The following POP4 variants were observed in gnomAD, a reference collection of about 807,000 sequenced individuals.
POP4 encodes POP4 ribonuclease P/MRP subunit, also known as ribonuclease P protein subunit p29.
A neutral mutation model predicts 29.9 loss-of-function variants in POP4; 31 were observed. That is an observed-to-expected ratio of 1.04 (90% confidence interval 0.78 to 1.40). The LOEUF (loss-of-function observed/expected upper bound fraction) is 1.40. Ranked by LOEUF, POP4 falls within the 40% of genes most tolerant of loss-of-function variation. The pLI, the probability that POP4 is intolerant of heterozygous loss-of-function variation, is 0.00. For synonymous variants in POP4, 110 were observed against 108.2 expected (o/e 1.02, Z -0.10); for missense variants, 286 against 282.7 (o/e 1.01, Z -0.08).
rs760767957 is a variant in POP4, at chr19:29,610,401, G to C, written c.61-8G>C. On this transcript the variant is annotated splice_region_variant and splice_polypyrimidine_tract_variant and intron_variant, in intron 2 of 6. Transcript: ENST00000585603. ...CAGTGAGCGCCGCACCCCCTTGTCC[G>C]CCTGCAGCCTTCAGGAGCACAGCGG... The C allele has an allele frequency of 6.5e-7, 1 of 1,548,310 alleles. No homozygotes were observed. The highest frequency in any genetic ancestry group is 1.4e-5 in the African/African-American group (1 of 73,466).
Position 29,615,408 on chromosome 19 carries a change from A to G in POP4, c.*28A>G, listed in dbSNP as rs938880779. On this transcript the variant is annotated 3_prime_UTR_variant, in exon 7 of 7. Coordinates refer to ENST00000585603, the MANE Select transcript of POP4 (RefSeq NM_006627.3). The stretch of plus-strand genomic sequence containing the variant: ...TCTTTGCCGTCTAAGGCAGTTGTTT[A>G]TGACAGCTGAAAACTGGACACTCCC... The G allele has an allele frequency of 6.2e-7, 1 of 1,605,372 alleles. No homozygotes were observed.
intron 6 of POP4, 54 bp downstream of exon 6, chr19:29,614,026 C>G: frequency 6.4e-7 from 1 of 1,572,872 alleles, no homozygotes; most frequent in East Asian, 2.2e-5. Context: ...CCAGCTACTG[C>G]GTTAGCCTTT....
intron 2 of POP4, among the ~76,000 whole-genome samples, chr19:29,609,572 G>A (rs1363821871): frequency 2.0e-5 from 3 of 152,130 alleles, no homozygotes; most frequent in Non-Finnish European, 2.9e-5. Context: ...GCCACCAAAT[G>A]AGGAATCCGT....
intron 1 of POP4, chr19:29,606,593 C>T (rs1387586390): frequency 5.1e-6 from 2 of 390,200 alleles, no homozygotes; most frequent in East Asian, 4.0e-5. Flanking sequence ...GGGTTCCAGG[C>T]CTTGGCTCAA....
chr19:29,608,767 A>G, intron 2 of POP4, 58 bp downstream of exon 2: 1 of 1,490,794 alleles, frequency 6.7e-7, no homozygotes, highest in South Asian at 1.1e-5. Flanking sequence ...ATGGCTCAGT[A>G]GCTTCTGAGC....
intron 3 of POP4, 118 bp downstream of exon 3, chr19:29,610,750 C>T: frequency 2.0e-6 from 2 of 1,016,544 alleles, no homozygotes; most frequent in South Asian, 1.6e-5. Context: ...GCCTCTCTGT[C>T]GTCTGCCACA....
intron 3 of POP4, 116 bp downstream of exon 3, chr19:29,610,748 G>T: frequency 4.8e-6 from 5 of 1,033,326 alleles, no homozygotes; most frequent in Non-Finnish European, 7.0e-6. Flanking sequence ...GGGCCTCTCT[G>T]TCGTCTGCCA....
chr19:29,611,724 T>C (rs1173886962), intron 3 of POP4, 138 bp from the exon 4 acceptor site: 8 of 697,040 alleles, frequency 1.1e-5, no homozygotes, highest in African/African-American at 8.9e-5. Context: ...GCTCAATTGC[T>C]CATCGTCGGA....
intron 2 of POP4, chr19:29,610,117 T>C: frequency 2.4e-6 from 1 of 423,174 alleles, no homozygotes. Flanking sequence ...GATAGAAAGG[T>C]TTTGGTCCTT....
At position 29,616,186 on chromosome 19, in the gene POP4, C is replaced by T. The variant is rs1445131202; in HGVS notation, c.*806C>T. 1 of 152,250 alleles carries T rather than the reference C, an allele frequency of 6.6e-6. No individual in the cohort carries two copies. Among genetic ancestry groups the T allele is most frequent in the South Asian group, 2.1e-4 (1 of 4,832 alleles). 9.4% of individuals were successfully genotyped at this position (152,250 alleles called of 1,614,324 possible). ...AAGCCAAGCCAGCAGCATTGACGCC[C>T]TTTGATATCTTCGCCATTTTTGCTG... On this transcript the variant is annotated 3_prime_UTR_variant, in exon 7 of 7. Transcript: ENST00000585603.
Position 29,611,850 on chromosome 19 carries a change from A to T in POP4, c.285-12A>T, listed in dbSNP as rs199813120. ...TTGTCTAACTTTTTCCCTGTTTCTG[A>T]CTTTGCTGCAGATACAGCCTTTTCC... On this transcript the variant is annotated splice_polypyrimidine_tract_variant and intron_variant, in intron 3 of 6. Transcript: ENST00000585603. The T allele has an allele frequency of 1.8e-4, 298 of 1,612,112 alleles. No individual in the cohort carries two copies. The African/African-American group carries it at 3.7e-3, about 20-fold the overall frequency.
intron 4 of POP4, 65 bp downstream of exon 4, chr19:29,612,004 C>G: frequency 6.3e-7 from 1 of 1,584,726 alleles, no homozygotes; most frequent in Non-Finnish European, 8.6e-7. Flanking sequence ...ATTGTAAATG[C>G]GGCTTCAGGA....
intron 3 of POP4, chr19:29,611,025 A>G (rs1971062373): frequency 4.7e-6 from 1 of 214,040 alleles, no homozygotes; most frequent in Non-Finnish European, 9.5e-6. Flanking sequence ...TGTTGCCCAC[A>G]CGTTTCAGAA....
chr19:29,606,599 C>A, intron 1 of POP4: 1 of 382,028 alleles, frequency 2.6e-6, no homozygotes, highest in Non-Finnish European at 4.7e-6. Context: ...CAGGCCTTGG[C>A]TCAACTTGGC....
intron 5 of POP4, 83 bp from the exon 6 acceptor site, chr19:29,613,788 C>G: frequency 6.6e-7 from 1 of 1,525,958 alleles, no homozygotes; most frequent in Non-Finnish European, 8.8e-7. Context: ...GGGATCAGCA[C>G]CCCCAACCCC....
chr19:29,606,416 G>T, intron 1 of POP4, 91 bp downstream of exon 1: 1 of 1,425,358 alleles, frequency 7.0e-7, no homozygotes, highest in South Asian at 1.4e-5. Context: ...GCTACCTGTT[G>T]CTGCGGAGTC....
chr19:29,611,477 A>G (rs1472195724), intron 3 of POP4: 1 of 219,942 alleles, frequency 4.5e-6, no homozygotes, highest in African/African-American at 2.4e-5. Flanking sequence ...CTTCCAGACC[A>G]GCCTGCTGCC....
chr19:29,608,516 C>A, intron 1 of POP4, 141 bp from the exon 2 acceptor site: 1 of 741,834 alleles, frequency 1.3e-6, no homozygotes, highest in Non-Finnish European at 2.2e-6. Context: ...AGGATCCGCC[C>A]GCCTTGGCCT....
chr19:29,614,009 G>T (rs1971103688), intron 6 of POP4, 37 bp downstream of exon 6: 4 of 1,594,298 alleles, frequency 2.5e-6, no homozygotes, highest in Non-Finnish European at 3.4e-6. Context: ...CTTGCGGGCT[G>T]TGGCTCCCAG....
Sources: gnomAD v4.1 joint callset for allele counts (sites outside exome capture counted in the v4.1 genomes callset) on GRCh38, gnomAD v4.1.1 for gene constraint, MANE v1.5 for transcripts, NCBI Gene and HGNC (gene_info 2026-07-23, HGNC 2026-07-21) for gene names.